Variants in DNAJB13 observed in about 807,000 individuals in gnomAD.
DNAJB13 encodes dnaJ homolog subfamily B member 13.
A neutral mutation model predicts 35.6 loss-of-function variants in DNAJB13; 22 were observed. That is an observed-to-expected ratio of 0.62 (90% CI 0.44 to 0.88). DNAJB13 has a LOEUF of 0.88. DNAJB13 is among the 40% of genes least tolerant of loss of function. The pLI is 0.00. For synonymous variants in DNAJB13, 136 were observed against 144.2 expected (o/e 0.94, Z 0.41); for missense variants, 370 against 384.3 (o/e 0.96, Z 0.31).
chr11:73,951,266 G>C, intron 1 of DNAJB13, 129 bp downstream of exon 1: 1 of 1,132,538 alleles, frequency 8.8e-7, no homozygotes, highest in Non-Finnish European at 1.3e-6. Context: ...TTCACTTCTT[G>C]CATACCTGTA....
intron 3 of DNAJB13, chr11:73,964,607 AAGGGGAG>A: frequency 2.4e-6 from 1 of 415,208 alleles, no homozygotes; most frequent in Non-Finnish European, 4.4e-6. Context: ...GGAATGTCCC[AAGGGGAG>A]GTGAAGCAGT....
Position 73,968,385 on chromosome 11 carries a change from A to C in DNAJB13, c.647A>C (p.Lys216Thr). ...IIPADIIFIV[K>T]EKLHPRFRRE... ...CCAGCAGACATCATTTTCATCGTAA[A>C]GGAGAAGCTACACCCTCGCTTCCGC... is the stretch of plus-strand genomic sequence containing the variant. The change falls in exon 6 of 8, where the codon AAG becomes ACG. Residue 216 changes from lysine (K) to threonine (T), a missense_variant. By Grantham distance (78) the Lys-to-Thr change is moderately conservative. Transcript: ENST00000339764. 6.2e-7 allele frequency: 1 copy of C among 1,614,154 alleles called. No individual in the cohort carries two copies. Among genetic ancestry groups the C allele is most frequent in the Non-Finnish European group, 8.5e-7 (1 of 1,180,024 alleles).
In DNAJB13 at chr11:73,959,501, G is replaced by A; in HGVS notation, c.180G>A (p.Lys60=). ...EAYDVLSDPM[K]RGIYDKFGEE... ...GGTGATGCCCATCCACAGCCATGAA[G>A]AGAGGCATCTACGACAAGTTTGGAG... Residue 60 remains lysine, a synonymous_variant, in exon 3 of 8, where the codon AAG becomes AAA. Coordinates refer to ENST00000339764, the MANE Select transcript of DNAJB13 (RefSeq NM_153614.4). 1.2e-6 allele frequency: 2 copies of A among 1,613,534 alleles called. No individual in the cohort carries two copies. The highest frequency in any genetic ancestry group is 1.7e-6 in the Non-Finnish European group (2 of 1,179,612).
chr11:73,964,888 T>G lies in DNAJB13; in HGVS notation c.345T>G (p.Asp115Glu), dbSNP rs1369260573. The G allele has an allele frequency of 1.2e-6, 2 of 1,612,788 alleles. No homozygotes were observed. Among genetic ancestry groups the G allele is most frequent in the Non-Finnish European group, 1.7e-6 (2 of 1,179,800 alleles). The change falls in exon 4 of 8, where the codon GAT becomes GAG. Residue 115 changes from aspartate (D) to glutamate (E), a missense_variant. Coordinates refer to ENST00000339764, the MANE Select transcript of DNAJB13 (RefSeq NM_153614.4). ...CCCTACCTCCTGCAGAGTTTTTTGA[T>G]GCAGAAGGAAGTGAGGTAGATTTGA... The part of the protein sequence containing the change: ...GGNNPFSEFF[D>E]AEGSEVDLNF...
chr11:73,967,941 C>T, intron 5 of DNAJB13: 1 of 300,992 alleles, frequency 3.3e-6, no homozygotes, highest in Non-Finnish European at 6.1e-6. Context: ...GTCCCCAGCG[C>T]CCAGAAGAGA....
At chr11:73,957,134 G>GCGCTC (rs968547215) in intron 1 of DNAJB13, among the ~76,000 whole-genome samples, 3 of 152,186 alleles carry the variant, frequency 2.0e-5, no homozygotes, top group Admixed American at 2.0e-4. Flanking sequence ...CTGCCCTGCT[G>GCGCTC]CGCTCCGGGA....
At chr11:73,952,719 C>G (rs971096523) in intron 1 of DNAJB13, among the ~76,000 whole-genome samples, 1 of 152,202 alleles carries the variant, frequency 6.6e-6, no homozygotes, top group Admixed American at 6.5e-5. Context: ...AAGATAAGCA[C>G]AGCTTAAGCA....
In DNAJB13 at chr11:73,969,271, T is replaced by G. The variant is rs1409115631; in HGVS notation, c.746T>G (p.Val249Gly). Reference sequence around the variant, plus strand: ...GCTCTCACCTGCTGCACTGTGGAGGTGAGGACCCTAGATGACCGTCTGCTC... The same window carrying G: ...GCTCTCACCTGCTGCACTGTGGAGGGGAGGACCCTAGATGACCGTCTGCTC... ...GKALTCCTVE[V>G]RTLDDRLLNI... The change falls in exon 7 of 8, where the codon GTG (valine) becomes GGG (glycine). Residue 249 changes from valine to glycine, a missense_variant. Coordinates refer to ENST00000339764, the MANE Select transcript of DNAJB13 (RefSeq NM_153614.4). 1.1e-6 allele frequency: 1 copy of G among 872,444 alleles called. No homozygotes were observed. The highest frequency in any genetic ancestry group is 2.0e-6 in the Non-Finnish European group (1 of 501,544). The allele number at this position is 872,444 out of a possible 1,614,324, so 54.0% of individuals were successfully genotyped here.
At chr11:73,955,912 G>A (rs1395122429) in intron 1 of DNAJB13, among the ~76,000 whole-genome samples, 2 of 152,184 alleles carry the variant, frequency 1.3e-5, no homozygotes, top group Non-Finnish European at 2.9e-5. Context: ...CTCTCTGTAA[G>A]GTCCCCAGGG....
chr11:73,965,150 C>A (rs878937147), intron 4 of DNAJB13, 115 bp downstream of exon 4: 2 of 1,192,630 alleles, frequency 1.7e-6, no homozygotes, highest in Non-Finnish European at 2.3e-6. Flanking sequence ...AATTATGGAA[C>A]CTTAGATTCA....
chr11:73,951,055 G>A lies in DNAJB13; in HGVS notation c.-15G>A, dbSNP rs1950574666. 3.7e-6 allele frequency: 6 copies of A among 1,613,642 alleles called. No homozygotes were observed. The Middle Eastern group carries it at 6.6e-4, about 177-fold the overall frequency. On this transcript the variant is annotated 5_prime_UTR_variant, in exon 1 of 8. Coordinates refer to ENST00000339764, the MANE Select transcript of DNAJB13 (RefSeq NM_153614.4). ...TCTGAGGACTATCCAGGGCCTGACTGCCAGCTAGCCAGCCATGGGCCAGGA... is the reference window on the plus strand; with the variant it reads ...TCTGAGGACTATCCAGGGCCTGACTACCAGCTAGCCAGCCATGGGCCAGGA...
At chr11:73,969,912 G>A (rs1383379957) in intron 7 of DNAJB13, 49 bp from the exon 8 acceptor site, 2 of 1,562,240 alleles carry the variant, frequency 1.3e-6, no homozygotes, top group Admixed American at 3.7e-5. Flanking sequence ...ACCTGCTGAG[G>A]TGCTGCTCTG....
intron 7 of DNAJB13, among the ~76,000 whole-genome samples, 159 bp downstream of exon 7, chr11:73,969,481 G>C (rs1303493846): frequency 1.3e-5 from 2 of 152,158 alleles, no homozygotes; most frequent in Non-Finnish European, 2.9e-5. Context: ...AACCCACACT[G>C]GCCAAGCTGT....
intron 1 of DNAJB13, among the ~76,000 whole-genome samples, chr11:73,955,119 T>C (rs1950703923): frequency 1.5e-5 from 2 of 129,040 alleles, no homozygotes; most frequent in Non-Finnish European, 3.3e-5. Flanking sequence ...GCTAAACTTA[T>C]ATAAGGAAGA....
chr11:73,968,690 C>A (rs1323622495), intron 6 of DNAJB13, among the ~76,000 whole-genome samples: 1 of 152,168 alleles, frequency 6.6e-6, no homozygotes, highest in African/African-American at 2.4e-5. Context: ...CTCCTCCAGG[C>A]TCTTCTCCTT....
chr11:73,959,199 C>T (rs1245462379), intron 2 of DNAJB13, among the ~76,000 whole-genome samples: 6 of 152,218 alleles, frequency 3.9e-5, no homozygotes, highest in Non-Finnish European at 8.8e-5. Context: ...AATCCCAGGG[C>T]CATTGCCTGA....
chr11:73,954,288 TG>T (rs1186041129), intron 1 of DNAJB13, among the ~76,000 whole-genome samples: 4 of 151,056 alleles, frequency 2.6e-5, no homozygotes, highest in African/African-American at 9.8e-5. Flanking sequence ...ATCGTGCCAT[TG>T]CACTCCAGCC....
At chr11:73,969,007 G>A (rs1039768198) in intron 6 of DNAJB13, among the ~76,000 whole-genome samples, 2 of 152,078 alleles carry the variant, frequency 1.3e-5, no homozygotes, top group African/African-American at 2.4e-5. Flanking sequence ...TCCCACAAAC[G>A]CTTTTATTCT....
chr11:73,964,563 A>C, intron 3 of DNAJB13: 1 of 313,618 alleles, frequency 3.2e-6, no homozygotes, highest in Non-Finnish European at 5.8e-6. Context: ...GTTGTGAATA[A>C]GAGAGACGGG....
Sources: allele counts gnomAD v4.1 joint callset (sites outside exome capture counted in the v4.1 genomes callset), GRCh38; gene constraint gnomAD v4.1.1; transcripts MANE v1.5; gene names NCBI Gene and HGNC (gene_info 2026-07-23, HGNC 2026-07-21).